Variants in LIPI observed in about 807,000 individuals in gnomAD.
The protein encoded by LIPI is lipase I.
In LIPI, 59 loss-of-function variants were observed where a neutral mutation model predicts 50.6. That is an observed-to-expected ratio of 1.16 (90% confidence interval 0.94 to 1.45). The LOEUF is 1.45. Ranked by LOEUF, LIPI falls within the 40% of genes most tolerant of loss-of-function variation. LIPI has a pLI of 0.00. For missense variants in LIPI, 586 were observed against 536.3 expected (o/e 1.09, Z -0.92); for synonymous variants, 203 against 178.2 (o/e 1.14, Z -1.11).
chr21:14,202,256 C>T (rs1227669103), intron 1 of LIPI, among the ~76,000 whole-genome samples: 2 of 152,114 alleles, frequency 1.3e-5, no homozygotes, highest in Admixed American at 6.5e-5. Context: ...GGCCATACTG[C>T]CCAAGGTAAT....
intron 1 of LIPI, among the ~76,000 whole-genome samples, chr21:14,202,278 A>G (rs1242413549): frequency 6.6e-6 from 1 of 152,218 alleles, no homozygotes; most frequent in Non-Finnish European, 1.5e-5. Flanking sequence ...TATAGATTCA[A>G]TGCCATCCCC....
intron 3 of LIPI, among the ~76,000 whole-genome samples, chr21:14,184,685 G>A (rs1054687750): frequency 1.3e-5 from 2 of 152,070 alleles, no homozygotes; most frequent in Non-Finnish European, 2.9e-5. Context: ...TGATTGCCTG[G>A]TATTTGGGCC....
chr21:14,179,606 A>G (rs145366246), intron 4 of LIPI, among the ~76,000 whole-genome samples: 1 of 151,990 alleles, frequency 6.6e-6, no homozygotes, highest in East Asian at 1.9e-4. Context: ...GACCCCAAAT[A>G]GAGGGACCGG....
chr21:14,191,222 C>G (rs1220997555), intron 1 of LIPI, among the ~76,000 whole-genome samples: 1 of 151,476 alleles, frequency 6.6e-6, no homozygotes, highest in Non-Finnish European at 1.5e-5. Flanking sequence ...ACTAAAACTA[C>G]AAAAAATAGC....
intron 4 of LIPI, among the ~76,000 whole-genome samples, chr21:14,175,990 A>G (rs918256091): frequency 1.3e-5 from 2 of 152,076 alleles, no homozygotes; most frequent in African/African-American, 4.8e-5. Flanking sequence ...CGTCCTGGCT[A>G]ACACGGTGAA....
chr21:14,150,863 C>T (rs923347150), intron 8 of LIPI, among the ~76,000 whole-genome samples: 9 of 152,064 alleles, frequency 5.9e-5, no homozygotes, highest in East Asian at 1.9e-4. Flanking sequence ...CTTTGGGTGA[C>T]GGAAGGTTAG....
At chr21:14,210,689 C>A in intron 1 of LIPI, 111 bp downstream of exon 1, 1 of 302,522 alleles carries the variant, frequency 3.3e-6, no homozygotes, top group South Asian at 4.7e-5. Context: ...TACCAATAAT[C>A]TAACATATTT....
chr21:14,169,910 T>G (rs2018830781), intron 4 of LIPI, among the ~76,000 whole-genome samples: 3 of 152,032 alleles, frequency 2.0e-5, no homozygotes, highest in South Asian at 4.2e-4. Context: ...CTTCAAAAAA[T>G]TAATGAATCC....
chr21:14,148,237 G>GAATT (rs2017973210), intron 8 of LIPI, among the ~76,000 whole-genome samples: 2 of 151,996 alleles, frequency 1.3e-5, no homozygotes, highest in Non-Finnish European at 2.9e-5. Context: ...GCAAAGTGTA[G>GAATT]GTATTCCTGG....
chr21:14,180,539 T>C (rs769943447), intron 4 of LIPI, among the ~76,000 whole-genome samples: 1 of 152,164 alleles, frequency 6.6e-6, no homozygotes, highest in Non-Finnish European at 1.5e-5. Flanking sequence ...CGGGGGTGGG[T>C]TCCCCCAATA....
intron 7 of LIPI, among the ~76,000 whole-genome samples, chr21:14,161,622 A>ATTAATATATAATATATACATTATT (rs1568858276): frequency 2.1e-5 from 2 of 95,562 alleles, no homozygotes; most frequent in Non-Finnish European, 3.7e-5. Flanking sequence ...ATACATATAT[A>ATTAATATATAATATATACATTATT]ATATATTAAT....
Position 14,173,814 on chromosome 21 carries a change from AAG to A in LIPI, c.644-7365_644-7364del, listed in dbSNP as rs567908960. 4.0e-3 allele frequency among the ~76,000 whole-genome samples: 611 copies of A among 151,936 alleles called. 7 individuals are homozygous for A. Among genetic ancestry groups the A allele is most frequent in the African/African-American group, 0.014 (592 of 41,484 alleles). ...ACTATTTAATGGGTAAGGAAAGACA[AAG>A]GACAATGTAGATGACTTCATGACAG... On this transcript the variant is annotated intron_variant, in intron 4 of 9. Coordinates refer to ENST00000681601, the MANE Select transcript of LIPI (RefSeq NM_001302998.2).
chr21:14,206,014 C>T (rs952508295), intron 1 of LIPI, among the ~76,000 whole-genome samples: 21 of 152,148 alleles, frequency 1.4e-4, no homozygotes, highest in African/African-American at 5.1e-4. Flanking sequence ...TACTGAAAAT[C>T]TTATTAGGTT....
At chr21:14,133,527 G>A (rs1049652430) in intron 9 of LIPI, among the ~76,000 whole-genome samples, 7 of 152,164 alleles carry the variant, frequency 4.6e-5, no homozygotes, top group African/African-American at 1.7e-4. Flanking sequence ...CAAACTTAAT[G>A]GGGAAAAGTT....
In LIPI at chr21:14,209,950, T is replaced by A. The variant is rs551509282; in HGVS notation, c.46+850A>T. On this transcript the variant is annotated intron_variant, in intron 1 of 9. Coordinates refer to ENST00000681601, the MANE Select transcript of LIPI (RefSeq NM_001302998.2). The stretch of plus-strand genomic sequence containing the variant: ...GTATCATTTAGTTTCTATATTTAAA[T>A]ATAAAATTCAAACATTTCCAGAATT... Among the ~76,000 whole-genome samples the A allele has an allele frequency of 4.6e-5, 7 of 151,964 alleles. No individual in the cohort carries two copies. The South Asian group carries it at 1.4e-3, about 31-fold the overall frequency.
At chr21:14,177,929 CAGT>C (rs34976976) in intron 4 of LIPI, among the ~76,000 whole-genome samples, 50,527 of 151,672 alleles carry the variant, frequency 0.33, 8,696 homozygotes, top group African/African-American at 0.38. Context: ...AGTTTCTCTC[CAGT>C]TTAAATTTGT....
chr21:14,161,609 A>ATACATTATTATATATTAATGTATAAT lies in LIPI; in HGVS notation c.1006+1809_1006+1810insATTATACATTAATATATAATAATGTA, dbSNP rs1568858212. Among the ~76,000 whole-genome samples the ATACATTATTATATATTAATGTATAAT allele has an allele frequency of 1.3e-4, 15 of 117,852 alleles. 2 individuals carry two copies. Among genetic ancestry groups the ATACATTATTATATATTAATGTATAAT allele is most frequent in the African/African-American group, 5.1e-4 (15 of 29,482 alleles). 77.3% of individuals were successfully genotyped at this position (117,852 alleles called of 152,430 possible). On this transcript the variant is annotated intron_variant, in intron 7 of 9. Transcript: ENST00000681601. ...ATATCTATATAATATATTAATATAT[A>ATACATTATTATATATTAATGTATAAT]ATATACATATATAATATATTAATAT...
rs2123282834 is a variant in LIPI at position 14,189,404 on chromosome 21, C to T, written c.62G>A (p.Cys21Tyr). ...TACACTTAGCTGAGAGAATTCAAGGCATGGTCTTTTATTATCTGAAATAAG... is the reference window on the plus strand; with the variant it reads ...TACACTTAGCTGAGAGAATTCAAGGTATGGTCTTTTATTATCTGAAATAAG... ...CWVRSDNKRPCLEFSQLSVKD... is the reference protein window; with the variant it reads ...CWVRSDNKRPYLEFSQLSVKD... The change falls in exon 2 of 10, where the codon TGC becomes TAC. Residue 21 changes from cysteine (C) to tyrosine (Y), a missense_variant. Coordinates refer to ENST00000681601, the MANE Select transcript of LIPI (RefSeq NM_001302998.2). 1 of 1,612,688 alleles carries T rather than the reference C, an allele frequency of 6.2e-7. No individual in the cohort carries two copies. Among genetic ancestry groups the T allele is most frequent in the Non-Finnish European group, 8.5e-7 (1 of 1,178,942 alleles).
At chr21:14,150,909 C>G (rs938355567) in intron 8 of LIPI, among the ~76,000 whole-genome samples, 1 of 152,144 alleles carries the variant, frequency 6.6e-6, no homozygotes, top group Non-Finnish European at 1.5e-5. Flanking sequence ...AATTGTTACT[C>G]TTTCACTACC....
Sources: allele counts gnomAD v4.1 joint callset (sites outside exome capture counted in the v4.1 genomes callset), GRCh38; gene constraint gnomAD v4.1.1; transcripts MANE v1.5; gene names NCBI Gene and HGNC (gene_info 2026-07-23, HGNC 2026-07-21).